LIPM: variants seen among roughly 807,000 people sequenced by gnomAD.
LIPM encodes the protein lipase family member M, also known as lipase member M.
In LIPM, 42 loss-of-function variants were observed where a neutral mutation model predicts 42.4. The ratio of observed to expected loss-of-function variants is 0.99; its 90% CI spans 0.77 to 1.28. The LOEUF is 1.28. Among genes scored for constraint, LIPM ranks in the 50% most tolerant of loss-of-function variants. The pLI, the probability that LIPM is intolerant of heterozygous loss-of-function variation, is 0.00. For synonymous variants in LIPM, 177 were observed against 173.3 expected (o/e 1.02, Z -0.17); for missense variants, 524 against 520.1 (o/e 1.01, Z -0.07).
intron 6 of LIPM, 99 bp downstream of exon 6, chr10:88,815,602 GT>G: frequency 9.6e-7 from 1 of 1,040,850 alleles, no homozygotes; most frequent in South Asian, 1.6e-5. Flanking sequence ...AAGACTCAGA[GT>G]AATGATATAT....
intron 8 of LIPM, 31 bp downstream of exon 8, chr10:88,817,927 T>C (rs1322387156): frequency 1.4e-6 from 2 of 1,479,708 alleles, no homozygotes; most frequent in Non-Finnish European, 1.8e-6. Flanking sequence ...CTGCTGAAAA[T>C]ATATACATTG....
In LIPM at chr10:88,815,508, G is replaced by T. The variant is rs1589316865; in HGVS notation, c.858+5G>T. 6.5e-7 allele frequency: 1 copy of T among 1,550,304 alleles called. No individual in the cohort carries two copies. Among genetic ancestry groups the T allele is most frequent in the East Asian group, 2.4e-5 (1 of 40,896 alleles). On this transcript the variant is annotated splice_donor_5th_base_variant and intron_variant, in intron 6 of 8. Transcript: ENST00000404743. Reference sequence around the variant, plus strand: ...AACACCAACAATATGAACATGGTAAGTGGGAGCCTAGTAAATTCCCAGCAT... The same window carrying T: ...AACACCAACAATATGAACATGGTAATTGGGAGCCTAGTAAATTCCCAGCAT...
Position 88,802,799 on chromosome 10 carries a change from G to A in LIPM, c.-98G>A. 1 of 1,272,028 alleles carries A rather than the reference G, an allele frequency of 7.9e-7. No individual in the cohort carries two copies. 78.8% of individuals were successfully genotyped at this position (1,272,028 alleles called of 1,614,324 possible). On this transcript the variant is annotated 5_prime_UTR_variant, in exon 1 of 9. Transcript: ENST00000404743. ...TTCAGAATTGGAAGAGGGAATTGCA[G>A]CAGGAAAATATGTGAAGAGTTTTTA...
intron 2 of LIPM, among the ~76,000 whole-genome samples, chr10:88,809,466 A>G (rs1485992732): frequency 2.6e-5 from 4 of 152,122 alleles, no homozygotes; most frequent in Admixed American, 6.5e-5. Flanking sequence ...TGTATAGGTA[A>G]TATAATTTCT....
rs1488832653 is a variant in LIPM at position 88,808,309 on chromosome 10, C to G, written c.159C>G (p.Ile53Met). ...TGCTTTTTCCATAGAGTGAAATCAT[C>G]CAACATCAAGGCTATCCCTGTGAGG... Reference protein sequence around the residue: ...PEAFMNISEIIQHQGYPCEEY... With the variant: ...PEAFMNISEIMQHQGYPCEEY... The change falls in exon 2 of 9, where the codon ATC becomes ATG. Residue 53 changes from isoleucine (I) to methionine (M), a missense_variant. By Grantham distance (10) the Ile-to-Met change is conservative. Coordinates refer to ENST00000404743, the MANE Select transcript of LIPM (RefSeq NM_001128215.1). 9.1e-6 allele frequency: 14 copies of G among 1,544,890 alleles called. No individual in the cohort carries two copies. In the African/African-American group the frequency reaches 1.9e-4, roughly 21 times the overall value.
At chr10:88,815,777 A>G (rs1365542438) in intron 6 of LIPM, among the ~76,000 whole-genome samples, 1 of 152,240 alleles carries the variant, frequency 6.6e-6, no homozygotes, top group Non-Finnish European at 1.5e-5. Flanking sequence ...TAAAAAGAGC[A>G]ATTAGCACAT....
At chr10:88,820,211 A>G in intron 8 of LIPM, 21 bp from the exon 9 acceptor site, 1 of 1,534,346 alleles carries the variant, frequency 6.5e-7, no homozygotes, top group Non-Finnish European at 8.8e-7. Context: ...CCTAGAGTTA[A>G]GAACTATTCC....
intron 2 of LIPM, among the ~76,000 whole-genome samples, chr10:88,808,758 A>G: frequency 6.6e-6 from 1 of 152,114 alleles, no homozygotes; most frequent in South Asian, 2.1e-4. Flanking sequence ...AGACCATATC[A>G]GCCTCTGATT....
At chr10:88,817,535 C>T (rs1843731511) in intron 7 of LIPM, among the ~76,000 whole-genome samples, 1 of 152,146 alleles carries the variant, frequency 6.6e-6, no homozygotes, top group South Asian at 2.1e-4. Flanking sequence ...CCATTGTAGC[C>T]CACACAGTTG....
chr10:88,820,479 G>C lies in LIPM; in HGVS notation c.1250G>C (p.Gly417Ala), dbSNP rs769184636. The C allele has an allele frequency of 1.2e-4, 192 of 1,551,110 alleles. 1 individual carries two copies. Among genetic ancestry groups the C allele is most frequent in the Non-Finnish European group, 1.2e-4 (140 of 1,146,954 alleles). The change falls in exon 9 of 9, where the codon GGA becomes GCA. Residue 417 changes from glycine to alanine, a missense_variant. Physicochemically the swap from Gly to Ala is moderately conservative, Grantham distance 60. Transcript: ENST00000404743. Reference sequence around the variant, plus strand: ...CAGGAGGAGACCAACCTTTCCCAGGGACGGTGTGAGGCCGTATTGTGAAGC... The same window carrying C: ...CAGGAGGAGACCAACCTTTCCCAGGCACGGTGTGAGGCCGTATTGTGAAGC... ...MQQEETNLSQ[G>A]RCEAVL
chr10:88,805,354 T>C (rs986394700), intron 1 of LIPM, among the ~76,000 whole-genome samples: 43 of 152,298 alleles, frequency 2.8e-4, no homozygotes, highest in African/African-American at 1.0e-3. Flanking sequence ...GAGAGGGTGG[T>C]AGCAAAAAGG....
intron 5 of LIPM, 47 bp downstream of exon 5, chr10:88,815,271 C>G: frequency 6.5e-7 from 1 of 1,547,290 alleles, no homozygotes; most frequent in Non-Finnish European, 8.7e-7. Flanking sequence ...AAAAATCTTC[C>G]AGCCCAATTT....
At chr10:88,805,252 A>G (rs1212170145) in intron 1 of LIPM, among the ~76,000 whole-genome samples, 2 of 152,196 alleles carry the variant, frequency 1.3e-5, no homozygotes, top group South Asian at 4.1e-4. Context: ...GAAATAAAAG[A>G]AGAAAACATA....
chr10:88,808,313 C>A lies in LIPM; in HGVS notation c.163C>A (p.His55Asn), dbSNP rs1392008898. 7.1e-6 allele frequency: 11 copies of A among 1,547,346 alleles called. No homozygotes were observed. Among genetic ancestry groups the A allele is most frequent in the Non-Finnish European group, 8.7e-6 (10 of 1,143,248 alleles). ...TTTTCCATAGAGTGAAATCATCCAACATCAAGGCTATCCCTGTGAGGAATA... is the reference window on the plus strand; with the variant it reads ...TTTTCCATAGAGTGAAATCATCCAAAATCAAGGCTATCCCTGTGAGGAATA... ...AFMNISEIIQ[H>N]QGYPCEEYEV... The change falls in exon 2 of 9, where the codon CAT becomes AAT. Residue 55 changes from histidine (H) to asparagine (N), a missense_variant. By Grantham distance (68) the His-to-Asn change is moderately conservative. Transcript: ENST00000404743.
intron 8 of LIPM, among the ~76,000 whole-genome samples, chr10:88,819,808 TC>T (rs1193537040): frequency 6.6e-6 from 1 of 152,174 alleles, no homozygotes; most frequent in African/African-American, 2.4e-5. Context: ...GCAGAGCCCT[TC>T]CCAGCAGATT....
intron 8 of LIPM, 103 bp downstream of exon 8, chr10:88,817,999 A>T (rs1843738618): frequency 9.7e-6 from 9 of 929,146 alleles, no homozygotes; most frequent in Non-Finnish European, 1.5e-5. Context: ...AAAATATGAA[A>T]ATTTAAGCAG....
At chr10:88,813,047 C>T in intron 2 of LIPM, 50 bp from the exon 3 acceptor site, 1 of 1,451,098 alleles carries the variant, frequency 6.9e-7, no homozygotes, top group Non-Finnish European at 9.5e-7. Context: ...TACTGGACAA[C>T]AAGAAAGGGA....
intron 2 of LIPM, among the ~76,000 whole-genome samples, chr10:88,811,886 C>T (rs1405877490): frequency 6.6e-6 from 1 of 151,686 alleles, no homozygotes; most frequent in Non-Finnish European, 1.5e-5. Context: ...ACTGCAATAC[C>T]TTTATCAAAG....
At position 88,815,240 on chromosome 10, in the gene LIPM, G is replaced by C; in HGVS notation, c.711+16G>C. The C allele has an allele frequency of 6.5e-7, 1 of 1,548,896 alleles. No homozygotes were observed. Among genetic ancestry groups the C allele is most frequent in the Non-Finnish European group, 8.7e-7 (1 of 1,146,206 alleles). On this transcript the variant is annotated intron_variant, in intron 5 of 8. Coordinates refer to ENST00000404743, the MANE Select transcript of LIPM (RefSeq NM_001128215.1). ...GATGATCAAGGTATGAGACTCCTCA[G>C]AAAACTTCCTGTGTACGTAGAAAAA...
Sources: allele counts gnomAD v4.1 joint callset (sites outside exome capture counted in the v4.1 genomes callset), GRCh38; gene constraint gnomAD v4.1.1; transcripts MANE v1.5; gene names NCBI Gene and HGNC (gene_info 2026-07-23, HGNC 2026-07-21).